The following TMEM217B variants were observed in gnomAD, a reference collection of about 807,000 sequenced individuals.
The protein encoded by TMEM217B is transmembrane protein 217B, also known as putative transmembrane protein 217B.
At chr6:37,226,281 CTTTTTTTTTT>C in the TMEM217B span, among the ~76,000 whole-genome samples, 53 of 74,880 alleles carry the variant, frequency 7.1e-4, no homozygotes, top group East Asian at 2.2e-3. Flanking sequence ...TTGAGACAGT[CTTTTTTTTTT>C]TTTTTTTTTT....
the TMEM217B span, among the ~76,000 whole-genome samples, chr6:37,241,502 C>A: frequency 7.5e-4 from 114 of 152,224 alleles, no homozygotes; most frequent in African/African-American, 2.6e-3. Context: ...TCCTACAACT[C>A]ATGTGCGGCT....
At chr6:37,231,739 T>A in the TMEM217B span, among the ~76,000 whole-genome samples, 5 of 147,534 alleles carry the variant, frequency 3.4e-5, no homozygotes, top group African/African-American at 9.8e-5. Context: ...TATATATATA[T>A]TATATATATT....
the TMEM217B span, among the ~76,000 whole-genome samples, chr6:37,227,292 T>A: frequency 6.6e-6 from 1 of 152,236 alleles, no homozygotes; most frequent in East Asian, 1.9e-4. Flanking sequence ...ATCTGAGTCA[T>A]CTTCCTCACT....
At chr6:37,227,644 T>C in the TMEM217B span, among the ~76,000 whole-genome samples, 2 of 151,928 alleles carry the variant, frequency 1.3e-5, no homozygotes, top group African/African-American at 4.8e-5. Flanking sequence ...TGGGGTTTCA[T>C]CATGCTGTCC....
At chr6:37,216,043 TAGAC>T in the TMEM217B span, among the ~76,000 whole-genome samples, 23 of 150,390 alleles carry the variant, frequency 1.5e-4, no homozygotes, top group Middle Eastern at 3.4e-3. Flanking sequence ...GAGAAACAGA[TAGAC>T]AGACAGACAT....
chr6:37,214,152 T>C, the TMEM217B span, among the ~76,000 whole-genome samples: 3 of 152,224 alleles, frequency 2.0e-5, no homozygotes, highest in Admixed American at 6.5e-5. Context: ...CCTTTTTGAA[T>C]GTGCAATTCA....
At chr6:37,245,708 AGGAG>A in the TMEM217B span, among the ~76,000 whole-genome samples, 1 of 152,118 alleles carries the variant, frequency 6.6e-6, no homozygotes. Flanking sequence ...GAGGAGGAGG[AGGAG>A]GAAGAGCAGG....
the TMEM217B span, among the ~76,000 whole-genome samples, chr6:37,214,744 T>A: frequency 1.3e-5 from 2 of 152,324 alleles, no homozygotes. Context: ...TCATCCCAAA[T>A]ATTCTTATAC....
At chr6:37,216,566 C>G in the TMEM217B span, among the ~76,000 whole-genome samples, 1 of 152,044 alleles carries the variant, frequency 6.6e-6, no homozygotes, top group African/African-American at 2.4e-5. Flanking sequence ...GGGATGAGCA[C>G]CTGGATGGAG....
the TMEM217B span, chr6:37,215,313 A>C: frequency 6.2e-7 from 1 of 1,607,642 alleles, no homozygotes; most frequent in Non-Finnish European, 8.5e-7. Context: ...ATGAATAAAA[A>C]TTGTTTTTAA....
chr6:37,227,661 G>T, the TMEM217B span, among the ~76,000 whole-genome samples: 1 of 151,800 alleles, frequency 6.6e-6, no homozygotes, highest in Non-Finnish European at 1.5e-5. Flanking sequence ...GTCCAGGCTG[G>T]TCTCAAACTC....
At chr6:37,220,717 A>G in the TMEM217B span, among the ~76,000 whole-genome samples, 1 of 152,126 alleles carries the variant, frequency 6.6e-6, no homozygotes, top group Non-Finnish European at 1.5e-5. Flanking sequence ...TCATCCTCTA[A>G]GAATCTTCAT....
the TMEM217B span, among the ~76,000 whole-genome samples, chr6:37,230,803 ATTC>A: frequency 2.6e-5 from 4 of 152,120 alleles, no homozygotes; most frequent in Non-Finnish European, 5.9e-5. Flanking sequence ...CAGCCTTTCA[ATTC>A]TTCTTTGGAC....
the TMEM217B span, chr6:37,218,062 G>C: frequency 1.6e-5 from 16 of 1,003,590 alleles, no homozygotes; most frequent in Admixed American, 1.1e-4. Context: ...AAGCAAAAGT[G>C]GGGGGAAAAA....
the TMEM217B span, among the ~76,000 whole-genome samples, chr6:37,245,954 C>G: frequency 1.8e-3 from 276 of 152,174 alleles, no homozygotes; most frequent in African/African-American, 5.4e-3. Flanking sequence ...CGTGCACCAC[C>G]AAGCCCGGCT....
At chr6:37,230,840 C>G in the TMEM217B span, among the ~76,000 whole-genome samples, 1 of 152,110 alleles carries the variant, frequency 6.6e-6, no homozygotes, top group Admixed American at 6.5e-5. Flanking sequence ...CTCTCTACCA[C>G]TGGGCAGTTG....
the TMEM217B span, among the ~76,000 whole-genome samples, chr6:37,257,297 C>A: frequency 1.3e-5 from 2 of 152,088 alleles, no homozygotes; most frequent in Non-Finnish European, 2.9e-5. Flanking sequence ...TTAGCAATCC[C>A]GGGCTATCGG....
the TMEM217B span, among the ~76,000 whole-genome samples, chr6:37,251,311 C>A: frequency 1.3e-5 from 2 of 152,090 alleles, no homozygotes; most frequent in Non-Finnish European, 2.9e-5. Context: ...AAGGACTGAC[C>A]TATGATATTT....
the TMEM217B span, among the ~76,000 whole-genome samples, chr6:37,226,250 G>T: frequency 1.1e-4 from 8 of 72,106 alleles, no homozygotes; most frequent in African/African-American, 2.4e-4. Flanking sequence ...TTTTTGTTTT[G>T]TTTTGTTTTA....
Sources: allele counts gnomAD v4.1 joint callset (sites outside exome capture counted in the v4.1 genomes callset), GRCh38; gene constraint gnomAD v4.1.1; transcripts MANE v1.5; gene names NCBI Gene and HGNC (gene_info 2026-07-23, HGNC 2026-07-21).